Variants in PIK3C2A observed in about 807,000 individuals in gnomAD.
PIK3C2A encodes the protein phosphatidylinositol 4-phosphate 3-kinase C2 domain-containing subunit alpha.
Under a neutral mutation model 204.5 loss-of-function variants are expected in PIK3C2A, and 97 were observed. The observed-to-expected ratio is 0.47, with a 90% CI of 0.40 to 0.56. PIK3C2A has a LOEUF of 0.56. PIK3C2A is among the 20% of genes least tolerant of loss of function. The pLI, the probability that PIK3C2A is intolerant of heterozygous loss-of-function variation, is 0.00. For missense variants in PIK3C2A, 1,735 were observed against 1,969.2 expected, an observed-to-expected ratio of 0.88 and a Z score of 2.25; for synonymous variants, 653 against 664.4, an observed-to-expected ratio of 0.98 and a Z score of 0.26.
chr11:17,109,485 G>C (rs911667616), intron 22 of PIK3C2A, among the ~76,000 whole-genome samples: 1 of 152,152 alleles, frequency 6.6e-6, no homozygotes, highest in East Asian at 1.9e-4. Context: ...ATAGAAATCT[G>C]CTATTAGTAG....
Position 17,121,160 on chromosome 11 carries a change from C to G in PIK3C2A, c.2657+1028G>C, listed in dbSNP as rs1374234892. Among the ~76,000 whole-genome samples the G allele has an allele frequency of 2.0e-5, 3 of 151,862 alleles. No homozygotes were observed. In the East Asian group the frequency reaches 5.8e-4, roughly 29 times the overall value. ...TGAGACAGGGTATTGCTCTGTTGCC[C>G]AGGCTGCAGTGCAGTGATGAGATCA... On this transcript the variant is annotated intron_variant, in intron 15 of 32. Coordinates refer to ENST00000691414, the MANE Select transcript of PIK3C2A (RefSeq NM_002645.4).
At chr11:17,106,817 C>G (rs1360663387) in intron 22 of PIK3C2A, among the ~76,000 whole-genome samples, 1 of 152,166 alleles carries the variant, frequency 6.6e-6, no homozygotes, top group Non-Finnish European at 1.5e-5. Context: ...CACACTGTCC[C>G]ACTTCAGCAC....
chr11:17,099,986 A>G lies in PIK3C2A; in HGVS notation c.4009-17T>C. 1 of 1,251,086 alleles carries G rather than the reference A, an allele frequency of 8.0e-7. No individual in the cohort carries two copies. Among genetic ancestry groups the G allele is most frequent in the East Asian group, 2.3e-5 (1 of 43,210 alleles). 77.5% of individuals were successfully genotyped at this position (1,251,086 alleles called of 1,614,324 possible). ...AGGAATCATCTGTAGAAGAAAACAA[A>G]AAGTTCTGTGAGTTAAATTTTTTAA... On this transcript the variant is annotated splice_polypyrimidine_tract_variant and intron_variant, in intron 25 of 32. Coordinates refer to ENST00000691414, the MANE Select transcript of PIK3C2A (RefSeq NM_002645.4).
intron 3 of PIK3C2A, among the ~76,000 whole-genome samples, chr11:17,152,043 T>G (rs555775676): frequency 5.3e-5 from 8 of 152,278 alleles, no homozygotes; most frequent in Non-Finnish European, 1.2e-4. Flanking sequence ...TCTTGATAGC[T>G]AAGACAAGAA....
chr11:17,169,778 T>G lies in PIK3C2A; in HGVS notation c.-37A>C. On this transcript the variant is annotated 5_prime_UTR_variant, in exon 2 of 33. Coordinates refer to ENST00000691414, the MANE Select transcript of PIK3C2A (RefSeq NM_002645.4). The stretch of plus-strand genomic sequence containing the variant: ...AGACCAAACCTTCCTTCCTCTATTT[T>G]TTTCTTGTAGCTTCCAAAATAGCAA... The G allele has an allele frequency of 6.9e-7, 1 of 1,453,562 alleles. No homozygotes were observed. Among genetic ancestry groups the G allele is most frequent in the South Asian group, 1.3e-5 (1 of 75,826 alleles). 90.0% of individuals were successfully genotyped at this position (1,453,562 alleles called of 1,614,324 possible).
intron 19 of PIK3C2A, among the ~76,000 whole-genome samples, 172 bp from the exon 20 acceptor site, chr11:17,114,637 T>C (rs1174175859): frequency 6.6e-6 from 1 of 152,210 alleles, no homozygotes; most frequent in Non-Finnish European, 1.5e-5. Flanking sequence ...CCAAAGGCTA[T>C]AAATATAGTG....
In PIK3C2A at chr11:17,102,792, C is replaced by T; in HGVS notation, c.3721G>A (p.Val1241Ile). The change falls in exon 24 of 33, where the codon GTA becomes ATA. Residue 1241 changes from valine to isoleucine, a missense_variant. Around this residue, in one of 6 missense-constraint regions of PIK3C2A, gnomAD observed 503 missense variants for 669.0 expected, o/e 0.75. Coordinates refer to ENST00000691414, the MANE Select transcript of PIK3C2A (RefSeq NM_002645.4). ...NFIYSCAGCC[V>I]ATYVLGICDR... The stretch of plus-strand genomic sequence containing the variant: ...CAGATGCCTAAAACATAGGTGGCTA[C>T]ACAGCATCCAGCACAGGAATAGATA... The T allele has an allele frequency of 6.2e-7, 1 of 1,612,006 alleles. No homozygotes were observed. The highest frequency in any genetic ancestry group is 8.5e-7 in the Non-Finnish European group (1 of 1,178,236).
At chr11:17,189,136 G>T (rs1851854877) in intron 1 of PIK3C2A, among the ~76,000 whole-genome samples, 1 of 146,950 alleles carries the variant, frequency 6.8e-6, no homozygotes, top group Non-Finnish European at 1.5e-5. Context: ...TCATAATTCT[G>T]CCCCAAAGTA....
At chr11:17,157,532 C>G (rs999474283) in intron 2 of PIK3C2A, among the ~76,000 whole-genome samples, 24 of 151,320 alleles carry the variant, frequency 1.6e-4, no homozygotes, top group Non-Finnish European at 1.8e-4. Flanking sequence ...ATCGTTATAG[C>G]TGACAGATTA....
At position 17,089,574 on chromosome 11, in the gene PIK3C2A, G is replaced by T; in HGVS notation, c.*164C>A. On this transcript the variant is annotated 3_prime_UTR_variant, in exon 33 of 33. Transcript: ENST00000691414. ...TAGTTATGTGACTGTTGGTCCAACA[G>T]ATGTGTTGAAATGCAGCAAGTATAT... The T allele has an allele frequency of 1.8e-6, 1 of 541,612 alleles. No individual in the cohort carries two copies. The allele number at this position is 541,612 out of a possible 1,614,324, so 33.6% of individuals were successfully genotyped here. A position where few individuals can be genotyped will look rare whatever the true frequency, so the allele number is the denominator to read the frequency against.
intron 30 of PIK3C2A, 29 bp downstream of exon 30, chr11:17,091,967 A>C (rs1010640714): frequency 7.2e-7 from 1 of 1,391,900 alleles, no homozygotes. Context: ...ATCATGAGTT[A>C]CCAATAAAGA....
At chr11:17,201,291 G>A (rs1852363708) in intron 1 of PIK3C2A, among the ~76,000 whole-genome samples, 1 of 151,838 alleles carries the variant, frequency 6.6e-6, no homozygotes, top group East Asian at 1.9e-4. Context: ...CACTTCAGGA[G>A]GCCGAGGCAG....
chr11:17,114,106 A>AATAAATAAATAAATAC (rs1849092680), intron 20 of PIK3C2A, among the ~76,000 whole-genome samples: 2 of 151,402 alleles, frequency 1.3e-5, no homozygotes, highest in African/African-American at 2.4e-5. Context: ...TAAATAAATA[A>AATAAATAAATAAATAC]ATAAATAAAA....
Position 17,169,595 on chromosome 11 carries a change from A to T in PIK3C2A, c.147T>A (p.Thr49=). Residue 49 remains threonine, a synonymous_variant, in exon 2 of 33, where the codon ACT becomes ACA. Coordinates refer to ENST00000691414, the MANE Select transcript of PIK3C2A (RefSeq NM_002645.4). ...LAKLQKDRQV[T]DNQRGFELSS... Reference sequence around the variant, plus strand: ...ACAACTCAAAGCCTCTCTGATTGTCAGTCACTTGTCTATCCTTTTGCAGTT... The same window carrying T: ...ACAACTCAAAGCCTCTCTGATTGTCTGTCACTTGTCTATCCTTTTGCAGTT... 6.2e-7 allele frequency: 1 copy of T among 1,614,080 alleles called. No homozygotes were observed. Among genetic ancestry groups the T allele is most frequent in the Non-Finnish European group, 8.5e-7 (1 of 1,180,016 alleles).
chr11:17,114,890 A>G (rs1473275246), intron 19 of PIK3C2A, among the ~76,000 whole-genome samples: 6 of 152,312 alleles, frequency 3.9e-5, no homozygotes, highest in Admixed American at 2.6e-4. Flanking sequence ...GTCGCTCTTG[A>G]CTCAGCTATT....
intron 8 of PIK3C2A, among the ~76,000 whole-genome samples, chr11:17,145,151 T>C (rs1850193096): frequency 6.6e-6 from 1 of 152,152 alleles, no homozygotes; most frequent in Admixed American, 6.5e-5. Flanking sequence ...GGGTTAATGC[T>C]GGAATGAGTT....
intron 28 of PIK3C2A, among the ~76,000 whole-genome samples, chr11:17,093,842 G>GC (rs1848381002): frequency 1.3e-5 from 2 of 151,792 alleles, no homozygotes; most frequent in African/African-American, 4.8e-5. Context: ...TCGCCATGGT[G>GC]CCCAGGCTAG....
At chr11:17,099,368 T>C (rs907918286) in intron 26 of PIK3C2A, among the ~76,000 whole-genome samples, 2 of 152,162 alleles carry the variant, frequency 1.3e-5, no homozygotes, top group African/African-American at 4.8e-5. Context: ...AATAGATTAG[T>C]ACAGATAACA....
At chr11:17,106,182 T>C (rs1240397015) in intron 22 of PIK3C2A, among the ~76,000 whole-genome samples, 1 of 150,314 alleles carries the variant, frequency 6.7e-6, no homozygotes, top group Non-Finnish European at 1.5e-5. Flanking sequence ...GAGGCTGAGG[T>C]GGGTGGATCA....
Sources: allele counts gnomAD v4.1 joint callset (sites outside exome capture counted in the v4.1 genomes callset), GRCh38; gene constraint gnomAD v4.1.1; regional missense constraint gnomAD v4.1.1; transcripts MANE v1.5; gene names NCBI Gene and HGNC (gene_info 2026-07-23, HGNC 2026-07-21).